SHISA6: variants seen among roughly 807,000 people sequenced by gnomAD.
SHISA6 encodes the protein shisa family member 6, also known as protein shisa-6.
A neutral mutation model predicts 47.9 loss-of-function variants in SHISA6; 22 were observed. The observed-to-expected ratio is 0.46, with a 90% confidence interval of 0.33 to 0.66. SHISA6 has a LOEUF of 0.66. SHISA6 is among the 30% of genes least tolerant of loss of function. SHISA6 has a pLI of 0.02. For synonymous variants in SHISA6, 388 were observed against 337.8 expected, an observed-to-expected ratio of 1.15 and a Z score of -1.63; for missense variants, 680 against 764.6, an observed-to-expected ratio of 0.89 and a Z score of 1.30.
intron 2 of SHISA6, among the ~76,000 whole-genome samples, chr17:11,363,125 C>G (rs1184223140): frequency 6.6e-6 from 1 of 152,134 alleles, no homozygotes; most frequent in Non-Finnish European, 1.5e-5. Context: ...TGCCTCTGCT[C>G]TGAACTCTTT....
At chr17:11,260,978 C>G (rs1908211968) in intron 1 of SHISA6, among the ~76,000 whole-genome samples, 1 of 152,152 alleles carries the variant, frequency 6.6e-6, no homozygotes. Flanking sequence ...GAAAGTAGCT[C>G]AGGCCTTAAC....
chr17:11,270,085 C>T lies in SHISA6; in HGVS notation c.799+6559C>T, dbSNP rs868229724. Reference sequence around the variant, plus strand: ...CCACCTCCCGGGTTCAAGAGATTCTCCTGCCTCAGTCTCCTGAGTAGCTGG... The same window carrying T: ...CCACCTCCCGGGTTCAAGAGATTCTTCTGCCTCAGTCTCCTGAGTAGCTGG... On this transcript the variant is annotated intron_variant, in intron 2 of 5. Transcript: ENST00000441885. 1.5e-4 allele frequency among the ~76,000 whole-genome samples: 23 copies of T among 152,304 alleles called. 1 individual carries two copies. Among genetic ancestry groups the T allele is most frequent in the Middle Eastern group, 6.8e-3 (2 of 294 alleles).
intron 2 of SHISA6, among the ~76,000 whole-genome samples, chr17:11,292,199 A>G (rs1909577216): frequency 6.6e-6 from 1 of 152,058 alleles, no homozygotes. Context: ...CTCTTTGATA[A>G]CCCTTTCTCC....
intron 2 of SHISA6, among the ~76,000 whole-genome samples, chr17:11,298,420 G>T (rs1457005255): frequency 1.3e-5 from 2 of 152,236 alleles, no homozygotes; most frequent in Non-Finnish European, 2.9e-5. Context: ...GCTGCTGAGT[G>T]CAAGTGAGGA....
chr17:11,398,532 C>G (rs2142262058), intron 3 of SHISA6, among the ~76,000 whole-genome samples: 1 of 152,104 alleles, frequency 6.6e-6, no homozygotes, highest in Middle Eastern at 3.4e-3. Flanking sequence ...GACACTTTTC[C>G]AGTATTTTCA....
chr17:11,493,982 A>G lies in SHISA6; in HGVS notation c.896-57914A>G, dbSNP rs2071387892. The stretch of plus-strand genomic sequence containing the variant: ...TGAGTCAAAAATTATTTCACTGGAG[A>G]GGTGGTGATTAAATCTGATAATTAG... On this transcript the variant is annotated intron_variant, in intron 3 of 5. Coordinates refer to ENST00000441885, the MANE Select transcript of SHISA6 (RefSeq NM_207386.4). 2.0e-5 allele frequency among the ~76,000 whole-genome samples: 3 copies of G among 151,224 alleles called. No homozygotes were observed. In the South Asian group the frequency reaches 6.2e-4, roughly 31 times the overall value.
chr17:11,460,437 G>C (rs887782652), intron 3 of SHISA6, among the ~76,000 whole-genome samples: 1 of 152,176 alleles, frequency 6.6e-6, no homozygotes, highest in African/African-American at 2.4e-5. Flanking sequence ...TATTGCCCAG[G>C]CTGGAGTGCA....
At position 11,562,305 on chromosome 17, in the gene SHISA6, A is replaced by G. The variant is rs555979755; in HGVS notation, c.*4001A>G. The stretch of plus-strand genomic sequence containing the variant: ...GGCAACTGTGCACTTGACCCAAGGT[A>G]AAATGAAAGGGCTGCCAATCACTCG... On this transcript the variant is annotated 3_prime_UTR_variant, in exon 6 of 6. Transcript: ENST00000441885. 1 of 152,110 alleles carries G rather than the reference A, an allele frequency of 6.6e-6. No homozygotes were observed. Among genetic ancestry groups the G allele is most frequent in the Non-Finnish European group, 1.5e-5 (1 of 68,036 alleles). The allele number at this position is 152,110 out of a possible 1,614,324, so 9.4% of individuals were successfully genotyped here.
At chr17:11,291,983 T>A (rs1597443377) in intron 2 of SHISA6, among the ~76,000 whole-genome samples, 2 of 152,206 alleles carry the variant, frequency 1.3e-5, no homozygotes. Context: ...CCCAAGCCAA[T>A]GGACATATGC....
Position 11,524,053 on chromosome 17 carries a change from GAAGAAAGA to G in SHISA6, c.896-27834_896-27827del, listed in dbSNP as rs369563476. Reference sequence around the variant, plus strand: ...AGAAAAGAAAAGAAAGAAAGAAAAAGAAGAAAGAAAGAAAGATGAAAGAAAGAAAAAGA... The same window carrying G: ...AGAAAAGAAAAGAAAGAAAGAAAAAGAAGAAAGATGAAAGAAAGAAAAAGA... On this transcript the variant is annotated intron_variant, in intron 3 of 5. Transcript: ENST00000441885. Among the ~76,000 whole-genome samples, 365 of 149,432 alleles carry G rather than the reference GAAGAAAGA, an allele frequency of 2.4e-3. 8 individuals are homozygous for G. The highest frequency in any genetic ancestry group is 0.018 in the Admixed American group (272 of 14,960).
chr17:11,398,253 C>T (rs917402829), intron 3 of SHISA6, among the ~76,000 whole-genome samples: 6 of 152,080 alleles, frequency 3.9e-5, no homozygotes, highest in South Asian at 4.2e-4. Context: ...ATATACTATT[C>T]GTATTTTAAA....
chr17:11,262,300 C>T (rs1222156110), intron 1 of SHISA6, among the ~76,000 whole-genome samples: 2 of 152,174 alleles, frequency 1.3e-5, no homozygotes, highest in Non-Finnish European at 2.9e-5. Context: ...GTGGGCAGGG[C>T]CCCACCCATC....
At chr17:11,519,408 G>A (rs2969206) in intron 3 of SHISA6, among the ~76,000 whole-genome samples, 86,821 of 151,942 alleles carry the variant, frequency 0.57, 25,520 homozygotes, top group African/African-American at 0.72. Flanking sequence ...AAATTCAACA[G>A]TTTCACTTAT....
intron 2 of SHISA6, among the ~76,000 whole-genome samples, chr17:11,309,795 G>A (rs1425241442): frequency 3.3e-5 from 5 of 152,206 alleles, no homozygotes; most frequent in African/African-American, 9.7e-5. Flanking sequence ...GGTTCTTCCT[G>A]TACAGAGAGA....
intron 2 of SHISA6, among the ~76,000 whole-genome samples, chr17:11,268,231 C>G (rs1473677914): frequency 6.6e-6 from 1 of 152,176 alleles, no homozygotes; most frequent in Non-Finnish European, 1.5e-5. Context: ...GTCATCCTGC[C>G]TGTTGTCAAA....
chr17:11,339,415 G>A lies in SHISA6; in HGVS notation c.800-39999G>A, dbSNP rs531596886. On this transcript the variant is annotated intron_variant, in intron 2 of 5. Coordinates refer to ENST00000441885, the MANE Select transcript of SHISA6 (RefSeq NM_207386.4). ...TATTTCAAAGTGGTAGAATTATGAG[G>A]GATTCACTACACCCCCCCTCCTTTT... 1.4e-4 allele frequency among the ~76,000 whole-genome samples: 15 copies of A among 105,088 alleles called. No homozygotes were observed. The South Asian group carries it at 5.2e-3, about 36-fold the overall frequency. The allele number at this position is 105,088 out of a possible 152,430, so 68.9% of individuals were successfully genotyped here.
At chr17:11,306,019 C>T (rs2142181726) in intron 2 of SHISA6, among the ~76,000 whole-genome samples, 1 of 152,158 alleles carries the variant, frequency 6.6e-6, no homozygotes, top group East Asian at 1.9e-4. Flanking sequence ...GCCACCGTGC[C>T]CCAAAGCAAA....
intron 3 of SHISA6, among the ~76,000 whole-genome samples, chr17:11,512,961 T>C (rs1302396129): frequency 1.3e-5 from 2 of 152,082 alleles, no homozygotes; most frequent in Non-Finnish European, 2.9e-5. Flanking sequence ...ATTTTCTCAA[T>C]TATTTCCTTA....
At chr17:11,525,754 A>C (rs1362520688) in intron 3 of SHISA6, among the ~76,000 whole-genome samples, 1 of 148,366 alleles carries the variant, frequency 6.7e-6, no homozygotes, top group African/African-American at 2.5e-5. Flanking sequence ...GGTGGCTCGC[A>C]CCTGTAATCC....
Sources: gnomAD v4.1 joint callset for allele counts (sites outside exome capture counted in the v4.1 genomes callset) on GRCh38, gnomAD v4.1.1 for gene constraint, MANE v1.5 for transcripts, NCBI Gene and HGNC (gene_info 2026-07-23, HGNC 2026-07-21) for gene names.